The following TAFA2 variants were observed in gnomAD, a reference collection of about 807,000 sequenced individuals.
The protein encoded by TAFA2 is chemokine-like protein TAFA-2.
TAFA2 carries 7 observed loss-of-function variants against 18.8 expected under a neutral mutation model. The ratio of observed to expected loss-of-function variants is 0.37; its 90% CI spans 0.21 to 0.70. TAFA2 has a LOEUF of 0.70. Ranked by LOEUF, TAFA2 falls within the 30% of genes least tolerant of loss-of-function variation. The pLI, the probability that TAFA2 is intolerant of heterozygous loss-of-function variation, is 0.53. For synonymous variants in TAFA2, 60 were observed against 54.2 expected, an observed-to-expected ratio of 1.11 and a Z score of -0.47; for missense variants, 122 against 158.1, an observed-to-expected ratio of 0.77 and a Z score of 1.23.
Position 61,793,783 on chromosome 12 carries a change from T to C in TAFA2, c.107-38759A>G, listed in dbSNP as rs372586060. Among the ~76,000 whole-genome samples the C allele has an allele frequency of 1.2e-4, 18 of 151,842 alleles. No individual in the cohort carries two copies. The South Asian group carries it at 1.2e-3, about 10-fold the overall frequency. The stretch of plus-strand genomic sequence containing the variant: ...ATCCTGATAATAAAAACAAAACACA[T>C]TGTAAGAAAAGAAACCATGGGAAAA... On this transcript the variant is annotated intron_variant, in intron 2 of 4. Transcript: ENST00000416284.
intron 1 of TAFA2, among the ~76,000 whole-genome samples, chr12:62,236,264 T>C (rs1486023155): frequency 2.3e-5 from 2 of 87,616 alleles, no homozygotes; most frequent in Non-Finnish European, 4.8e-5. Flanking sequence ...TTTTTTTCTT[T>C]TTTTTTTCTT....
chr12:61,966,295 T>TG (rs1292105257), intron 1 of TAFA2, among the ~76,000 whole-genome samples: 2 of 151,936 alleles, frequency 1.3e-5, no homozygotes, highest in African/African-American at 4.8e-5. Context: ...GGTTGTCTGG[T>TG]GAGGGCTGCT....
At chr12:61,724,641 G>C (rs1239336423) in intron 4 of TAFA2, among the ~76,000 whole-genome samples, 1 of 151,900 alleles carries the variant, frequency 6.6e-6, no homozygotes, top group Non-Finnish European at 1.5e-5. Context: ...ACAATGTTTG[G>C]TTTTCCATTC....
At chr12:61,999,451 G>A (rs1364649982) in intron 1 of TAFA2, among the ~76,000 whole-genome samples, 3 of 152,160 alleles carry the variant, frequency 2.0e-5, no homozygotes, top group African/African-American at 7.2e-5. Context: ...ATAACTAGGG[G>A]AAGTATGGAG....
chr12:61,958,672 C>A (rs1374972426), intron 1 of TAFA2, among the ~76,000 whole-genome samples: 2 of 151,816 alleles, frequency 1.3e-5, no homozygotes, highest in Non-Finnish European at 2.9e-5. Flanking sequence ...CTGTGTCTTG[C>A]CAACTTTCTT....
intron 2 of TAFA2, among the ~76,000 whole-genome samples, chr12:61,849,730 C>T (rs1873562695): frequency 6.6e-6 from 1 of 152,148 alleles, no homozygotes; most frequent in Non-Finnish European, 1.5e-5. Flanking sequence ...CCTAGTGTGA[C>T]TGAACAAAAA....
At chr12:62,066,871 T>C (rs919061669) in intron 1 of TAFA2, among the ~76,000 whole-genome samples, 2 of 152,032 alleles carry the variant, frequency 1.3e-5, no homozygotes, top group Non-Finnish European at 2.9e-5. Flanking sequence ...CTATTTTCAG[T>C]TTCTTAAGGA....
At chr12:61,932,936 C>G (rs1307736480) in intron 1 of TAFA2, among the ~76,000 whole-genome samples, 1 of 152,138 alleles carries the variant, frequency 6.6e-6, no homozygotes, top group Non-Finnish European at 1.5e-5. Flanking sequence ...GCTGTTAGAT[C>G]CTAGCAGGCT....
chr12:61,921,453 G>A (rs895931677), intron 1 of TAFA2, among the ~76,000 whole-genome samples: 1 of 152,170 alleles, frequency 6.6e-6, no homozygotes, highest in African/African-American at 2.4e-5. Flanking sequence ...TTTGGCGTTT[G>A]TGCAATGGAA....
At chr12:61,816,619 A>C (rs1023091432) in intron 2 of TAFA2, among the ~76,000 whole-genome samples, 2 of 151,384 alleles carry the variant, frequency 1.3e-5, no homozygotes, top group African/African-American at 4.9e-5. Context: ...CAATGGTTGA[A>C]CTAATTTACA....
At chr12:61,806,882 G>C (rs1871636832) in intron 2 of TAFA2, among the ~76,000 whole-genome samples, 1 of 152,184 alleles carries the variant, frequency 6.6e-6, no homozygotes, top group East Asian at 1.9e-4. Flanking sequence ...ATGCTAAGCA[G>C]CAAAGCCTTC....
intron 2 of TAFA2, among the ~76,000 whole-genome samples, chr12:61,803,640 T>C (rs529495465): frequency 1.3e-5 from 2 of 152,062 alleles, no homozygotes; most frequent in African/African-American, 4.8e-5. Context: ...TTCTCTAAAA[T>C]TGTATCCAAC....
chr12:61,820,380 C>T lies in TAFA2; in HGVS notation c.106+46940G>A, dbSNP rs534503853. 1.4e-3 allele frequency among the ~76,000 whole-genome samples: 207 copies of T among 152,130 alleles called. 4 individuals are homozygous for T. Among genetic ancestry groups the T allele is most frequent in the African/African-American group, 4.8e-3 (200 of 41,546 alleles). ...AAGTTGATGTTCACTACAATGTCTA[C>T]ATTCATGTCCTCTCTGATTTTTACT... On this transcript the variant is annotated intron_variant, in intron 2 of 4. Coordinates refer to ENST00000416284, the MANE Select transcript of TAFA2 (RefSeq NM_178539.5).
intron 1 of TAFA2, among the ~76,000 whole-genome samples, chr12:62,257,688 A>C (rs2062947400): frequency 6.6e-6 from 1 of 152,214 alleles, no homozygotes. Context: ...GAAGGCAATA[A>C]CAATCACCAA....
At chr12:61,732,593 T>TAAG (rs1455313607) in intron 4 of TAFA2, among the ~76,000 whole-genome samples, 1 of 152,024 alleles carries the variant, frequency 6.6e-6, no homozygotes, top group Non-Finnish European at 1.5e-5. Flanking sequence ...CCTCTATTTA[T>TAAG]AAGTCCTGGA....
chr12:61,730,586 C>T (rs1870394750), intron 4 of TAFA2, among the ~76,000 whole-genome samples: 1 of 152,048 alleles, frequency 6.6e-6, no homozygotes, highest in African/African-American at 2.4e-5. Flanking sequence ...GGGCTTGCTG[C>T]AGCCACTGTG....
At chr12:62,257,166 G>GTGTGTATATGTATATATACACAATA (rs531475210) in intron 1 of TAFA2, among the ~76,000 whole-genome samples, 2 of 118,622 alleles carry the variant, frequency 1.7e-5, no homozygotes, top group Non-Finnish European at 3.8e-5. Context: ...ATATATATGT[G>GTGTGTATATGTATATATACACAATA]TGTGTGTGTG....
intron 4 of TAFA2, among the ~76,000 whole-genome samples, chr12:61,726,545 T>G (rs1472462616): frequency 1.3e-5 from 2 of 152,090 alleles, no homozygotes; most frequent in Non-Finnish European, 2.9e-5. Flanking sequence ...TGGTCACTAT[T>G]GGTGTATAGC....
At chr12:62,196,968 C>CCT (rs1217155588), upstream of TAFA2, among the ~76,000 whole-genome samples, 5 of 152,336 alleles carry the variant, frequency 3.3e-5, no homozygotes, top group African/African-American at 1.2e-4. Context: ...AGTAACCCAG[C>CCT]CTCACAGCAG....
Sources: allele counts gnomAD v4.1 joint callset (sites outside exome capture counted in the v4.1 genomes callset), GRCh38; gene constraint gnomAD v4.1.1; transcripts MANE v1.5; gene names NCBI Gene and HGNC (gene_info 2026-07-23, HGNC 2026-07-21).